The following ATM variants were observed in gnomAD, a reference collection of about 807,000 sequenced individuals.
ATM encodes serine-protein kinase ATM.
Under a neutral mutation model 387.0 loss-of-function variants are expected in ATM, and 308 were observed. The ratio of observed to expected loss-of-function variants is 0.80; its 90% CI spans 0.73 to 0.87. The LOEUF is 0.87. Among genes scored for constraint, ATM ranks in the 40% least tolerant of loss-of-function variants. ATM has a pLI of 0.00. For synonymous variants in ATM, 1,156 were observed against 1,187.3 expected (o/e 0.97, Z 0.54); for missense variants, 3,312 against 3,560.9 (o/e 0.93, Z 1.78).
intron 5 of ATM, among the ~76,000 whole-genome samples, chr11:108,241,214 A>G (rs2079538418): frequency 6.6e-6 from 1 of 152,162 alleles, no homozygotes; most frequent in Admixed American, 6.6e-5. Context: ...CTCCTATGAT[A>G]ATGGTGCTTT....
At chr11:108,232,875 T>TG (rs1344221920) in intron 4 of ATM, among the ~76,000 whole-genome samples, 5 of 151,100 alleles carry the variant, frequency 3.3e-5, no homozygotes, top group African/African-American at 1.2e-4. Context: ...TCTTTTTTTT[T>TG]TTTTGAGACA....
At chr11:108,247,997 G>T (rs1158935607) in intron 8 of ATM, among the ~76,000 whole-genome samples, 1 of 152,194 alleles carries the variant, frequency 6.6e-6, no homozygotes, top group Non-Finnish European at 1.5e-5. Flanking sequence ...AATCAATCTT[G>T]GTTTTTGTGG....
intron 61 of ATM, among the ~76,000 whole-genome samples, chr11:108,358,275 C>T (rs2090272028): frequency 6.8e-6 from 1 of 147,262 alleles, no homozygotes; most frequent in South Asian, 2.2e-4. Context: ...AGCAAAGCCT[C>T]CAAGAAATAT....
intron 6 of ATM, 151 bp downstream of exon 6, chr11:108,244,269 T>G: frequency 1.1e-6 from 1 of 907,328 alleles, no homozygotes; most frequent in Non-Finnish European, 1.7e-6. Flanking sequence ...GACAACCAAG[T>G]CCAACACTTT....
chr11:108,361,301 T>C (rs1237765812), intron 61 of ATM, among the ~76,000 whole-genome samples: 1 of 133,822 alleles, frequency 7.5e-6, no homozygotes, highest in East Asian at 2.2e-4. Context: ...TAAAAGAGGA[T>C]ACAAACAAAT....
chr11:108,248,434 A>T (rs1198986196), intron 8 of ATM, among the ~76,000 whole-genome samples: 2 of 152,198 alleles, frequency 1.3e-5, no homozygotes, highest in East Asian at 3.8e-4. Context: ...CCTGCTTTCT[A>T]AAGTGCCATT....
intron 44 of ATM, 69 bp from the exon 45 acceptor site, chr11:108,321,232 A>G (rs2085182930): frequency 6.3e-7 from 1 of 1,598,868 alleles, no homozygotes; most frequent in Non-Finnish European, 8.6e-7. Context: ...TTTAACAACA[A>G]ATTTAAACAT....
rs370294782 is a variant in ATM, at chr11:108,279,461, T to A, written c.3285-30T>A. The A allele has an allele frequency of 3.3e-5, 49 of 1,464,058 alleles. No individual in the cohort carries two copies. The Middle Eastern group carries it at 5.1e-4, about 15-fold the overall frequency. 90.7% of individuals were successfully genotyped at this position (1,464,058 alleles called of 1,614,324 possible). A position where few individuals can be genotyped will look rare whatever the true frequency, so the allele number is the denominator to read the frequency against. On this transcript the variant is annotated intron_variant, in intron 22 of 62. Coordinates refer to ENST00000675843, the MANE Select transcript of ATM (RefSeq NM_000051.4). ...TGAAATTAGAAAATTATTTCACTTT[T>A]TGTTTGTTTGTTTGCTTGCTTGTTT...
chr11:108,274,908 A>G (rs1289602540), intron 22 of ATM, among the ~76,000 whole-genome samples: 1 of 152,154 alleles, frequency 6.6e-6, no homozygotes, highest in Non-Finnish European at 1.5e-5. Context: ...GTTCGGTTCA[A>G]GTCCTGAATA....
At chr11:108,309,603 A>G (rs1206050029) in intron 38 of ATM, among the ~76,000 whole-genome samples, 1 of 152,176 alleles carries the variant, frequency 6.6e-6, no homozygotes, top group Non-Finnish European at 1.5e-5. Context: ...CTACAATGCT[A>G]GTTTTGAAAA....
At chr11:108,272,390 ATGT>A (rs2135562813) in intron 20 of ATM, 139 bp from the exon 21 acceptor site, 1 of 717,080 alleles carries the variant, frequency 1.4e-6, no homozygotes, top group East Asian at 2.7e-5. Flanking sequence ...CAAGGTGAGT[ATGT>A]TGGCATATTC....
chr11:108,319,518 A>G (rs1178597003), intron 43 of ATM, among the ~76,000 whole-genome samples: 1 of 152,198 alleles, frequency 6.6e-6, no homozygotes, highest in Admixed American at 6.5e-5. Flanking sequence ...ATTCTATAAT[A>G]GCCATCTAGC....
intron 4 of ATM, 33 bp downstream of exon 4, chr11:108,229,356 T>C: frequency 1.3e-6 from 2 of 1,587,176 alleles, no homozygotes; most frequent in Non-Finnish European, 1.7e-6. Context: ...AATAAATGGC[T>C]TAACAGATTA....
intron 21 of ATM, 46 bp downstream of exon 21, chr11:108,272,653 A>T (rs2135567971): frequency 6.2e-7 from 1 of 1,612,750 alleles, no homozygotes; most frequent in Non-Finnish European, 8.5e-7. Context: ...GAAAATTTTA[A>T]AGCAGTCTTT....
rs4988085 is a variant in ATM, at chr11:108,316,316, C to CT, written c.6198+203_6198+204insT. Among the ~76,000 whole-genome samples the CT allele has an allele frequency of 3.5e-4, 54 of 152,226 alleles. No individual in the cohort carries two copies. In the East Asian group the frequency reaches 0.01, roughly 29 times the overall value. The stretch of plus-strand genomic sequence containing the variant: ...AAAAGAGAAAAAATTCAGGGAGACA[C>CT]AGGAAAGTCAGACAGGTCATTGACC... On this transcript the variant is annotated intron_variant, in intron 42 of 62. Transcript: ENST00000675843.
At chr11:108,343,699 C>G (rs2087902981) in intron 57 of ATM, among the ~76,000 whole-genome samples, 1 of 152,160 alleles carries the variant, frequency 6.6e-6, no homozygotes. Context: ...GTAATCCCAG[C>G]TACTTGAGAG....
rs776429506 is a variant in ATM, at chr11:108,326,181, A to G, written c.6931A>G (p.Ile2311Val). Residue 2311 changes from isoleucine to valine, a missense_variant, in exon 47 of 63, where the codon ATT (isoleucine) becomes GTT (valine). Transcript: ENST00000675843. ...AAAGGAGCAGAGTCTTGCCCTGAGT[A>G]TTCTCAAGCAAATGATCAAGAAGTT... Reference protein sequence around the residue: ...AKKEQSLALSILKQMIKKLDA... With the variant: ...AKKEQSLALSVLKQMIKKLDA... The G allele has an allele frequency of 1.2e-6, 2 of 1,614,168 alleles. No homozygotes were observed. Among genetic ancestry groups the G allele is most frequent in the Non-Finnish European group, 1.7e-6 (2 of 1,180,024 alleles).
chr11:108,337,687 A>ATC (rs2087003185), intron 56 of ATM, among the ~76,000 whole-genome samples: 1 of 152,234 alleles, frequency 6.6e-6, no homozygotes, highest in Non-Finnish European at 1.5e-5. Context: ...TCTATTAGCT[A>ATC]TCTCCTATCT....
chr11:108,334,152 TCC>T lies in ATM; in HGVS notation c.8010+185_8010+186del, dbSNP rs984385407. On this transcript the variant is annotated intron_variant, in intron 54 of 62. Coordinates refer to ENST00000675843, the MANE Select transcript of ATM (RefSeq NM_000051.4). ...AAGCCCTAAAATACTCAAAAGCTTC[TCC>T]TGCTTTCTTTTCCATTGCCTTCTGT... 3.5e-4 allele frequency among the ~76,000 whole-genome samples: 53 copies of T among 152,312 alleles called. 1 individual carries two copies. The highest frequency in any genetic ancestry group is 3.1e-3 in the Admixed American group (48 of 15,294).
Sources: allele counts gnomAD v4.1 joint callset (sites outside exome capture counted in the v4.1 genomes callset), GRCh38; gene constraint gnomAD v4.1.1; transcripts MANE v1.5; gene names NCBI Gene and HGNC (gene_info 2026-07-23, HGNC 2026-07-21).